TPST1: variants seen among roughly 807,000 people sequenced by gnomAD.
The protein encoded by TPST1 is tyrosylprotein sulfotransferase 1.
TPST1 carries 20 observed loss-of-function variants against 34.8 expected under a neutral mutation model. That is an observed-to-expected ratio of 0.57 (90% CI 0.40 to 0.84). TPST1 has a LOEUF of 0.84. Ranked by LOEUF, TPST1 falls within the 40% of genes least tolerant of loss-of-function variation. The pLI is 0.00. For synonymous variants in TPST1, 152 were observed against 159.4 expected, an observed-to-expected ratio of 0.95 and a Z score of 0.35; for missense variants, 353 against 455.5, an observed-to-expected ratio of 0.78 and a Z score of 2.05.
intron 2 of TPST1, among the ~76,000 whole-genome samples, chr7:66,262,161 G>A (rs1181639624): frequency 6.6e-6 from 1 of 152,192 alleles, no homozygotes; most frequent in Non-Finnish European, 1.5e-5. Context: ...GGTTCTCCTT[G>A]CTTCACTGGC....
chr7:66,334,480 A>G (rs147506085), intron 3 of TPST1, among the ~76,000 whole-genome samples: 233 of 151,996 alleles, frequency 1.5e-3, no homozygotes, highest in African/African-American at 5.4e-3. Context: ...TACTAAAAAT[A>G]CAAACATTAG....
intron 1 of TPST1, among the ~76,000 whole-genome samples, chr7:66,231,663 G>A (rs879602386): frequency 3.5e-4 from 53 of 152,352 alleles, no homozygotes; most frequent in South Asian, 1.2e-3. Flanking sequence ...ACGCCCACCC[G>A]GAACTCCAGC....
chr7:66,357,123 A>G (rs1243797314), intron 5 of TPST1, among the ~76,000 whole-genome samples: 1 of 152,262 alleles, frequency 6.6e-6, no homozygotes, highest in Non-Finnish European at 1.5e-5. Context: ...AGCCTGGCTC[A>G]TAATAAGCGC....
At chr7:66,237,813 G>A (rs999032223) in intron 1 of TPST1, among the ~76,000 whole-genome samples, 2 of 152,280 alleles carry the variant, frequency 1.3e-5, no homozygotes, top group East Asian at 1.9e-4. Context: ...TCACAGGGCA[G>A]TTGGGCAGAG....
chr7:66,243,537 A>C (rs1010070450), intron 2 of TPST1, among the ~76,000 whole-genome samples: 15 of 151,664 alleles, frequency 9.9e-5, no homozygotes, highest in South Asian at 2.1e-4. Context: ...TCCATCTCCC[A>C]GGCTCAGGTG....
At chr7:66,347,054 C>CTTTTTTTTTT (rs1179080237) in intron 3 of TPST1, among the ~76,000 whole-genome samples, 1 of 54,842 alleles carries the variant, frequency 1.8e-5, no homozygotes, top group African/African-American at 7.6e-5. Flanking sequence ...TTTTCCTTTG[C>CTTTTTTTTTT]TTTTCTTTTT....
chr7:66,241,228 ATGAAGAGATGAT>A lies in TPST1; in HGVS notation c.806_817del (p.Glu269_Ile272del). On this transcript the variant is annotated inframe_deletion, in exon 2 of 6. Coordinates refer to ENST00000304842, the MANE Select transcript of TPST1 (RefSeq NM_003596.4). ...CCATGGAACCACTCAGTATTGCACCATGAAGAGATGATTGGGAAAGCTGGGGGAGTGTCTCTG... is the reference window on the plus strand; with the variant it reads ...CCATGGAACCACTCAGTATTGCACCATGGGAAAGCTGGGGGAGTGTCTCTG... 6.2e-7 allele frequency: 1 copy of A among 1,611,018 alleles called. No homozygotes were observed. Among genetic ancestry groups the A allele is most frequent in the Non-Finnish European group, 8.5e-7 (1 of 1,178,322 alleles).
At chr7:66,235,022 A>G (rs1402252214) in intron 1 of TPST1, among the ~76,000 whole-genome samples, 1 of 152,106 alleles carries the variant, frequency 6.6e-6, no homozygotes, top group Non-Finnish European at 1.5e-5. Flanking sequence ...TTCTTTAACC[A>G]AAATGTTATT....
At chr7:66,220,412 C>T (rs1023898320) in intron 1 of TPST1, among the ~76,000 whole-genome samples, 1 of 152,050 alleles carries the variant, frequency 6.6e-6, no homozygotes, top group African/African-American at 2.4e-5. Flanking sequence ...TCACAGCCTA[C>T]TGGAAAAACA....
intron 4 of TPST1, among the ~76,000 whole-genome samples, chr7:66,355,939 G>A (rs1009235273): frequency 6.7e-6 from 1 of 150,152 alleles, no homozygotes; most frequent in Non-Finnish European, 1.5e-5. Context: ...TGAGCGTGGT[G>A]GCATACTTGG....
At chr7:66,357,958 C>T (rs374793200) in intron 5 of TPST1, among the ~76,000 whole-genome samples, 9 of 152,196 alleles carry the variant, frequency 5.9e-5, no homozygotes, top group South Asian at 4.1e-4. Flanking sequence ...GTGGCAGGGA[C>T]CTGTAATCCC....
At chr7:66,242,661 T>C (rs1312410774) in intron 2 of TPST1, among the ~76,000 whole-genome samples, 1 of 152,222 alleles carries the variant, frequency 6.6e-6, no homozygotes, top group Non-Finnish European at 1.5e-5. Flanking sequence ...TTTCAGTCTT[T>C]GTGCTTGTAT....
intron 3 of TPST1, among the ~76,000 whole-genome samples, chr7:66,330,231 A>G (rs1048324382): frequency 6.6e-6 from 1 of 152,228 alleles, no homozygotes; most frequent in African/African-American, 2.4e-5. Context: ...ATTACCGATC[A>G]TCTGGTGGGC....
chr7:66,214,765 A>G (rs1048892901), intron 1 of TPST1, among the ~76,000 whole-genome samples: 21 of 150,964 alleles, frequency 1.4e-4, no homozygotes, highest in African/African-American at 4.6e-4. Flanking sequence ...AGATCCTGCC[A>G]CTGCACTCCA....
At chr7:66,348,477 AT>A (rs950299674) in intron 3 of TPST1, among the ~76,000 whole-genome samples, 7 of 152,180 alleles carry the variant, frequency 4.6e-5, no homozygotes, top group Middle Eastern at 6.8e-3. Context: ...AAGTTTAGCG[AT>A]TTTTTTTATT....
At chr7:66,300,224 T>C (rs1182350102) in intron 3 of TPST1, among the ~76,000 whole-genome samples, 1 of 152,178 alleles carries the variant, frequency 6.6e-6, no homozygotes, top group Non-Finnish European at 1.5e-5. Context: ...TTATGTAATA[T>C]TCTATATCCT....
chr7:66,275,685 G>A (rs1790795037), intron 2 of TPST1, among the ~76,000 whole-genome samples: 1 of 152,156 alleles, frequency 6.6e-6, no homozygotes, highest in African/African-American at 2.4e-5. Flanking sequence ...ATTCATAGAA[G>A]CAAGAGTAGA....
Position 66,224,901 on chromosome 7 carries a change from CTTTTTTTTTTTTTTT to C in TPST1, c.-101-15407_-101-15393del, listed in dbSNP as rs780952403. 7.3e-4 allele frequency among the ~76,000 whole-genome samples: 31 copies of C among 42,408 alleles called. 3 individuals carry two copies. The highest frequency in any genetic ancestry group is 4.7e-3 in the Admixed American group (12 of 2,532). 27.8% of individuals were successfully genotyped at this position (42,408 alleles called of 152,430 possible). On this transcript the variant is annotated intron_variant, in intron 1 of 5. Transcript: ENST00000304842. ...AACTGAGCCTGAACATTCTGGTATTCTTTTTTTTTTTTTTTTTTTTTTTTTTTTTTTGTGAGATGG... is the reference window on the plus strand; with the variant it reads ...AACTGAGCCTGAACATTCTGGTATTCTTTTTTTTTTTTTTTTGTGAGATGG...
intron 2 of TPST1, among the ~76,000 whole-genome samples, chr7:66,257,576 T>C (rs1184394140): frequency 6.6e-6 from 1 of 152,206 alleles, no homozygotes; most frequent in Non-Finnish European, 1.5e-5. Flanking sequence ...TTTCGTGTTA[T>C]ACTATTTCTG....
Sources: allele counts gnomAD v4.1 joint callset (sites outside exome capture counted in the v4.1 genomes callset), GRCh38; gene constraint gnomAD v4.1.1; transcripts MANE v1.5; gene names NCBI Gene and HGNC (gene_info 2026-07-23, HGNC 2026-07-21).